The following ABRACL variants were observed in gnomAD, a reference collection of about 807,000 sequenced individuals.
ABRACL encodes ABRA C-terminal like, also known as costars family protein ABRACL.
Under a neutral mutation model 7.0 loss-of-function variants are expected in ABRACL, and 4 were observed. The observed-to-expected ratio is 0.57, with a 90% CI of 0.28 to 1.30. The LOEUF is 1.30. ABRACL is among the 50% of genes most tolerant of loss of function. ABRACL has a pLI of 0.10. For missense variants in ABRACL, 104 were observed against 97.3 expected, an observed-to-expected ratio of 1.07 and a Z score of -0.29; for synonymous variants, 30 against 36.0, an observed-to-expected ratio of 0.83 and a Z score of 0.60.
intron 1 of ABRACL, among the ~76,000 whole-genome samples, chr6:139,030,866 G>A (rs1038913113): frequency 1.3e-5 from 2 of 152,202 alleles, no homozygotes; most frequent in African/African-American, 4.8e-5. Context: ...AAGGTTCTTA[G>A]AACTACATGA....
chr6:139,033,789 A>T (rs1306962343), intron 1 of ABRACL, among the ~76,000 whole-genome samples: 1 of 151,210 alleles, frequency 6.6e-6, no homozygotes, highest in Non-Finnish European at 1.5e-5. Flanking sequence ...CCGAGGGCAG[A>T]TCCTGTGCTA....
rs75234340 is a variant in ABRACL at position 139,033,948 on chromosome 6, G to A, written c.-6-207G>A. 3.8e-5 allele frequency among the ~76,000 whole-genome samples: 4 copies of A among 104,804 alleles called. No individual in the cohort carries two copies. In the East Asian group the frequency reaches 1.8e-3, roughly 46 times the overall value. 68.8% of individuals were successfully genotyped at this position (104,804 alleles called of 152,430 possible). A position where few individuals can be genotyped will look rare whatever the true frequency, so the allele number is the denominator to read the frequency against. ...CCCCACAGACGTGGAGAATAGGAGT[G>A]CAGGGAGCTGAGGGGGCGGTTACAA... On this transcript the variant is annotated intron_variant, in intron 1 of 2. Coordinates refer to ENST00000367660, the MANE Select transcript of ABRACL (RefSeq NM_021243.3).
chr6:139,031,657 A>T (rs748320707), intron 1 of ABRACL, among the ~76,000 whole-genome samples: 1 of 152,196 alleles, frequency 6.6e-6, no homozygotes, highest in African/African-American at 2.4e-5. Context: ...ATCAGGGACT[A>T]TAAACTAATA....
chr6:139,035,844 G>A (rs1786147380), intron 2 of ABRACL, among the ~76,000 whole-genome samples: 1 of 148,286 alleles, frequency 6.7e-6, no homozygotes, highest in Non-Finnish European at 1.5e-5. Context: ...GCTCACGCCT[G>A]TAATCCCAGC....
intron 2 of ABRACL, among the ~76,000 whole-genome samples, chr6:139,041,529 A>ATTTT (rs144355709): frequency 0.012 from 995 of 85,580 alleles, 30 homozygotes; most frequent in African/African-American, 0.051. Context: ...ATATATATAT[A>ATTTT]TATTTTTTTT....
At chr6:139,029,159 C>T (rs1011902037) in intron 1 of ABRACL, among the ~76,000 whole-genome samples, 1 of 152,082 alleles carries the variant, frequency 6.6e-6, no homozygotes. Context: ...AGAAATGGAA[C>T]GATTTTTACC....
At chr6:139,031,188 G>A (rs184701779) in intron 1 of ABRACL, among the ~76,000 whole-genome samples, 5 of 152,306 alleles carry the variant, frequency 3.3e-5, no homozygotes, top group African/African-American at 1.2e-4. Context: ...CCTCTGTCCA[G>A]TACAGGCTAA....
chr6:139,033,915 G>A (rs966091029), intron 1 of ABRACL, among the ~76,000 whole-genome samples: 4 of 152,212 alleles, frequency 2.6e-5, no homozygotes, highest in African/African-American at 4.8e-5. Context: ...GAGAATGGCT[G>A]TATTCTCCCC....
chr6:139,042,481 A>T (rs995644981), intron 2 of ABRACL, among the ~76,000 whole-genome samples: 2 of 152,216 alleles, frequency 1.3e-5, no homozygotes, highest in African/African-American at 2.4e-5. Flanking sequence ...AACTTTTGTA[A>T]ATGTTGGTTC....
Position 139,042,972 on chromosome 6 carries a change from C to T in ABRACL, c.*69C>T. 1.5e-6 allele frequency: 2 copies of T among 1,314,758 alleles called. No homozygotes were observed. Among genetic ancestry groups the T allele is most frequent in the Non-Finnish European group, 2.1e-6 (2 of 965,518 alleles). The allele number at this position is 1,314,758 out of a possible 1,614,324, so 81.4% of individuals were successfully genotyped here. A position where few individuals can be genotyped will look rare whatever the true frequency, so the allele number is the denominator to read the frequency against. ...TAAACTGGAATATAAAGTGAAAGAA[C>T]AAACATTTGAACATACTTAATGTAT... On this transcript the variant is annotated 3_prime_UTR_variant, in exon 3 of 3. Coordinates refer to ENST00000367660, the MANE Select transcript of ABRACL (RefSeq NM_021243.3).
intron 2 of ABRACL, among the ~76,000 whole-genome samples, chr6:139,036,751 AGGTG>A (rs1286059061): frequency 1.3e-5 from 2 of 152,160 alleles, no homozygotes; most frequent in African/African-American, 4.8e-5. Flanking sequence ...CAGGGGGCCA[AGGTG>A]GGAGGATCGC....
intron 2 of ABRACL, among the ~76,000 whole-genome samples, chr6:139,041,443 C>CTG (rs1279287526): frequency 7.1e-5 from 5 of 70,380 alleles, no homozygotes; most frequent in African/African-American, 2.0e-4. Context: ...CTCTCTCTCT[C>CTG]TCTCTCTCTA....
chr6:139,036,425 A>AC (rs1233868385), intron 2 of ABRACL, among the ~76,000 whole-genome samples: 2 of 151,998 alleles, frequency 1.3e-5, no homozygotes, highest in African/African-American at 2.4e-5. Flanking sequence ...TATTCTTCCT[A>AC]CTATTCCCTC....
chr6:139,030,106 A>G (rs1478205901), intron 1 of ABRACL, among the ~76,000 whole-genome samples: 3 of 150,508 alleles, frequency 2.0e-5, no homozygotes, highest in Non-Finnish European at 4.4e-5. Context: ...GCCGCTCACC[A>G]TTAAGCTCTT....
chr6:139,034,065 C>T (rs757088624), intron 1 of ABRACL, 90 bp from the exon 2 acceptor site: 32 of 1,516,746 alleles, frequency 2.1e-5, no homozygotes, highest in South Asian at 4.7e-5. Context: ...GTGACAGACG[C>T]GACCTGAACA....
intron 2 of ABRACL, among the ~76,000 whole-genome samples, chr6:139,039,230 G>GAA (rs56029994): frequency 3.8e-4 from 57 of 149,018 alleles, no homozygotes; most frequent in East Asian, 2.4e-3. Flanking sequence ...CATCTCAAAA[G>GAA]AAAAAAAAAA....
intron 1 of ABRACL, among the ~76,000 whole-genome samples, chr6:139,029,697 C>T (rs1786050711): frequency 6.6e-6 from 1 of 152,072 alleles, no homozygotes; most frequent in Non-Finnish European, 1.5e-5. Flanking sequence ...AGTGAGCGCG[C>T]CCCAGACCGG....
At chr6:139,031,040 C>A (rs970393271) in intron 1 of ABRACL, among the ~76,000 whole-genome samples, 5 of 152,106 alleles carry the variant, frequency 3.3e-5, no homozygotes, top group Non-Finnish European at 7.4e-5. Context: ...TCAATGAGAG[C>A]TAAGTCTGAA....
rs755993398 is a variant in ABRACL, at chr6:139,034,119, T to C, written c.-6-36T>C. 7 of 1,613,476 alleles carry C rather than the reference T, an allele frequency of 4.3e-6. No individual in the cohort carries two copies. In the South Asian group the frequency reaches 6.6e-5, roughly 15 times the overall value. ...TTTGGATGTGCTTAATGGAATGTAA[T>C]GGTGATAATTTAGACTTCCTTTTTT... On this transcript the variant is annotated intron_variant, in intron 1 of 2. Coordinates refer to ENST00000367660, the MANE Select transcript of ABRACL (RefSeq NM_021243.3).
Sources: gnomAD v4.1 joint callset for allele counts (sites outside exome capture counted in the v4.1 genomes callset) on GRCh38, gnomAD v4.1.1 for gene constraint, MANE v1.5 for transcripts, NCBI Gene and HGNC (gene_info 2026-07-23, HGNC 2026-07-21) for gene names.